Variants in TENM4 observed in about 807,000 individuals in gnomAD.
TENM4 encodes teneurin transmembrane protein 4.
In TENM4, 82 loss-of-function variants were observed where a neutral mutation model predicts 243.3. The ratio of observed to expected loss-of-function variants is 0.34; its 90% CI spans 0.28 to 0.40. The LOEUF (loss-of-function observed/expected upper bound fraction) is 0.40, where lower values mean the gene tolerates loss of function less well. Among genes scored for constraint, TENM4 ranks in the 10% least tolerant of loss-of-function variants. The pLI is 1.00. For missense variants in TENM4, 3,138 were observed against 3,673.3 expected (o/e 0.85, Z 3.77); for synonymous variants, 1,412 against 1,456.3 (o/e 0.97, Z 0.69).
intron 6 of TENM4, among the ~76,000 whole-genome samples, chr11:78,941,267 T>C (rs955091689): frequency 6.6e-6 from 1 of 152,190 alleles, no homozygotes; most frequent in African/African-American, 2.4e-5. Context: ...GCTGTGAAGA[T>C]GAAATGAGAC....
At chr11:79,336,356 C>A (rs937852745) in intron 1 of TENM4, among the ~76,000 whole-genome samples, 1 of 152,106 alleles carries the variant, frequency 6.6e-6, no homozygotes, top group Non-Finnish European at 1.5e-5. Flanking sequence ...GTAACAAGAG[C>A]CATCTCGCAT....
At chr11:78,932,740 C>T (rs1856696397) in intron 6 of TENM4, among the ~76,000 whole-genome samples, 1 of 152,156 alleles carries the variant, frequency 6.6e-6, no homozygotes, top group Non-Finnish European at 1.5e-5. Context: ...AACTGTTCCA[C>T]CTCAGATCAT....
chr11:78,662,311 C>T (rs191807721), intron 32 of TENM4, among the ~76,000 whole-genome samples: 28 of 152,052 alleles, frequency 1.8e-4, no homozygotes, highest in Admixed American at 1.2e-3. Context: ...CTGTGTCAGC[C>T]TCCCGAGTAG....
chr11:79,240,690 T>C (rs891235090), intron 2 of TENM4, among the ~76,000 whole-genome samples: 1 of 152,214 alleles, frequency 6.6e-6, no homozygotes, highest in Non-Finnish European at 1.5e-5. Flanking sequence ...GGGAATCTTA[T>C]GTTTTTTGCT....
intron 6 of TENM4, among the ~76,000 whole-genome samples, chr11:79,002,434 C>T (rs1858354206): frequency 6.6e-6 from 1 of 152,204 alleles, no homozygotes; most frequent in Non-Finnish European, 1.5e-5. Flanking sequence ...GAACTGGGAA[C>T]ACCTCAGCCC....
rs556287015 is a variant in TENM4, at chr11:79,160,023, T to C, written c.-162-11217A>G. On this transcript the variant is annotated intron_variant, in intron 3 of 33. Transcript: ENST00000278550. ...TTTCTTCATTTATTCATTCATTAAG[T>C]AAATCATTCATTTACCATTTTCATT... Among the ~76,000 whole-genome samples, 4 of 152,352 alleles carry C rather than the reference T, an allele frequency of 2.6e-5. No individual in the cohort carries two copies. The South Asian group carries it at 8.3e-4, about 32-fold the overall frequency.
At chr11:78,989,879 C>T (rs943069984) in intron 6 of TENM4, among the ~76,000 whole-genome samples, 1 of 151,922 alleles carries the variant, frequency 6.6e-6, no homozygotes, top group Non-Finnish European at 1.5e-5. Context: ...CATAACGAAA[C>T]CCCATCTCTA....
intron 6 of TENM4, among the ~76,000 whole-genome samples, chr11:79,022,763 T>G (rs1279216781): frequency 6.6e-6 from 1 of 152,122 alleles, no homozygotes; most frequent in Non-Finnish European, 1.5e-5. Flanking sequence ...GGATGAAGAT[T>G]GTGGTGATAA....
At chr11:78,869,726 A>G (rs1859076300) in intron 9 of TENM4, among the ~76,000 whole-genome samples, 1 of 152,192 alleles carries the variant, frequency 6.6e-6, no homozygotes, top group Non-Finnish European at 1.5e-5. Flanking sequence ...CGATCTAAAA[A>G]CAGATCTGAA....
intron 32 of TENM4, among the ~76,000 whole-genome samples, chr11:78,666,996 A>G (rs1009914785): frequency 1.3e-5 from 2 of 152,008 alleles, no homozygotes; most frequent in Non-Finnish European, 2.9e-5. Context: ...GTTTTTTTTC[A>G]GCTACAGTAA....
chr11:79,052,490 G>C (rs1408735831), intron 6 of TENM4, among the ~76,000 whole-genome samples: 2 of 152,154 alleles, frequency 1.3e-5, no homozygotes, highest in Non-Finnish European at 2.9e-5. Context: ...TTTATGGGCT[G>C]ATCATGGTAA....
intron 14 of TENM4, among the ~76,000 whole-genome samples, chr11:78,808,306 C>T (rs12805213): frequency 3.9e-5 from 6 of 152,160 alleles, no homozygotes; most frequent in Middle Eastern, 3.2e-3. Context: ...ATAAATAAGA[C>T]GATCGGGGTT....
At chr11:79,385,354 T>C (rs1418352904) in intron 1 of TENM4, among the ~76,000 whole-genome samples, 1 of 152,222 alleles carries the variant, frequency 6.6e-6, no homozygotes, top group Admixed American at 6.5e-5. Context: ...TTCCACCAGA[T>C]GGTCAATAAT....
chr11:79,406,614 T>G (rs1051044429), intron 1 of TENM4, among the ~76,000 whole-genome samples: 1 of 151,986 alleles, frequency 6.6e-6, no homozygotes, highest in Non-Finnish European at 1.5e-5. Context: ...TTGGTCCCAG[T>G]CCCCCGTGGA....
intron 6 of TENM4, among the ~76,000 whole-genome samples, chr11:78,955,099 C>T (rs1039804548): frequency 1.3e-5 from 2 of 152,238 alleles, no homozygotes; most frequent in African/African-American, 4.8e-5. Flanking sequence ...GTGAGCCTCA[C>T]ATGTTGGACT....
chr11:78,737,704 C>A (rs568279122), intron 20 of TENM4, among the ~76,000 whole-genome samples: 3 of 152,170 alleles, frequency 2.0e-5, no homozygotes, highest in Non-Finnish European at 4.4e-5. Flanking sequence ...TGTCCTGTCA[C>A]CATCACTTAC....
At position 78,720,095 on chromosome 11, in the gene TENM4, A is replaced by C. The variant is rs374650300; in HGVS notation, c.3821+275T>G. 1.7e-4 allele frequency among the ~76,000 whole-genome samples: 26 copies of C among 152,368 alleles called. 2 individuals are homozygous for C. In the East Asian group the frequency reaches 4.0e-3, roughly 24 times the overall value. ...TAAGGATAAGCAGGCTGTAGCATTC[A>C]AATTACTATTCCAAGGTTCAAATTC... On this transcript the variant is annotated intron_variant, in intron 25 of 33. Transcript: ENST00000278550.
chr11:78,745,272 G>A (rs966220623), intron 19 of TENM4, among the ~76,000 whole-genome samples: 3 of 146,168 alleles, frequency 2.1e-5, no homozygotes, highest in Non-Finnish European at 4.5e-5. Flanking sequence ...TGTTGTCCAG[G>A]CTGGAGTACA....
intron 6 of TENM4, among the ~76,000 whole-genome samples, chr11:78,954,615 C>A (rs1857171908): frequency 6.6e-6 from 1 of 152,192 alleles, no homozygotes; most frequent in Non-Finnish European, 1.5e-5. Flanking sequence ...AATGGGATAA[C>A]CTGCTTTCAT....
Sources: gnomAD v4.1 joint callset for allele counts (sites outside exome capture counted in the v4.1 genomes callset) on GRCh38, gnomAD v4.1.1 for gene constraint, MANE v1.5 for transcripts, NCBI Gene and HGNC (gene_info 2026-07-23, HGNC 2026-07-21) for gene names.